OSTN: variants seen among roughly 807,000 people sequenced by gnomAD.
OSTN encodes the protein osteocrin.
OSTN carries 9 observed loss-of-function variants against 12.0 expected under a neutral mutation model. The ratio of observed to expected loss-of-function variants is 0.75; its 90% confidence interval spans 0.45 to 1.30. The LOEUF is 1.30. OSTN is among the 50% of genes most tolerant of loss of function. The pLI, the probability that OSTN is intolerant of heterozygous loss-of-function variation, is 0.00. For missense variants in OSTN, 148 were observed against 152.3 expected, an observed-to-expected ratio of 0.97 and a Z score of 0.15; for synonymous variants, 59 against 56.9, an observed-to-expected ratio of 1.04 and a Z score of -0.16.
Position 191,237,426 on chromosome 3 carries a change from G to T in OSTN, c.318-12611G>T, listed in dbSNP as rs536393082. On this transcript the variant is annotated intron_variant, in intron 3 of 4. Transcript: ENST00000682035. ...GCATAAAGCAGAAGAAGAAAGCTAGGCAAGTTTTAGAGTGGGGTGGAAGTT... is the reference window on the plus strand; with the variant it reads ...GCATAAAGCAGAAGAAGAAAGCTAGTCAAGTTTTAGAGTGGGGTGGAAGTT... Among the ~76,000 whole-genome samples the T allele has an allele frequency of 2.6e-5, 4 of 152,290 alleles. No individual in the cohort carries two copies. The South Asian group carries it at 8.3e-4, about 32-fold the overall frequency.
At chr3:191,209,497 G>T (rs192779746) in intron 1 of OSTN, among the ~76,000 whole-genome samples, 1 of 152,314 alleles carries the variant, frequency 6.6e-6, no homozygotes, top group African/African-American at 2.4e-5. Context: ...TTCTAGAAAA[G>T]AACGGAATAT....
chr3:191,247,982 C>T (rs769412765), intron 3 of OSTN, among the ~76,000 whole-genome samples: 16 of 151,946 alleles, frequency 1.1e-4, no homozygotes, highest in African/African-American at 1.5e-4. Flanking sequence ...TACAGGAACA[C>T]GCCACCATGC....
rs75330873 is a variant in OSTN, at chr3:191,239,326, A to G, written c.318-10711A>G. Among the ~76,000 whole-genome samples the G allele has an allele frequency of 0.019, 2,700 of 145,452 alleles. 182 individuals are homozygous for G. In the East Asian group the frequency reaches 0.24, roughly 13 times the overall value. ...GGTGTATGCCCTGTGAAGGGATGAA[A>G]TAAAGTTACAAAGTCACATACTGGG... On this transcript the variant is annotated intron_variant, in intron 3 of 4. Coordinates refer to ENST00000682035, the MANE Select transcript of OSTN (RefSeq NM_198184.2).
intron 4 of OSTN, among the ~76,000 whole-genome samples, chr3:191,253,446 T>G (rs904118052): frequency 6.6e-6 from 1 of 152,194 alleles, no homozygotes; most frequent in Non-Finnish European, 1.5e-5. Flanking sequence ...TCACACAAAT[T>G]TATTTAACAT....
At chr3:191,208,568 G>A (rs960516425) in intron 1 of OSTN, among the ~76,000 whole-genome samples, 7 of 152,138 alleles carry the variant, frequency 4.6e-5, no homozygotes, top group Non-Finnish European at 1.0e-4. Context: ...TTATCTGTAA[G>A]ATGATACATC....
intron 2 of OSTN, among the ~76,000 whole-genome samples, chr3:191,216,201 G>T (rs929248055): frequency 1.3e-5 from 2 of 152,154 alleles, no homozygotes; most frequent in African/African-American, 2.4e-5. Flanking sequence ...CTATCTGTAT[G>T]TTGGCCCCCT....
chr3:191,231,189 G>A (rs1174375683), intron 3 of OSTN, among the ~76,000 whole-genome samples: 1 of 151,940 alleles, frequency 6.6e-6, no homozygotes, highest in East Asian at 1.9e-4. Flanking sequence ...AACAATGAAA[G>A]ACAAATAATA....
intron 3 of OSTN, among the ~76,000 whole-genome samples, chr3:191,244,587 T>C (rs1715389762): frequency 6.8e-6 from 1 of 147,904 alleles, no homozygotes; most frequent in African/African-American, 2.4e-5. Context: ...TATATATATA[T>C]TATAAATATA....
At chr3:191,235,572 C>T (rs959175775) in intron 3 of OSTN, among the ~76,000 whole-genome samples, 5 of 152,164 alleles carry the variant, frequency 3.3e-5, no homozygotes, top group African/African-American at 4.8e-5. Context: ...GGTCACATAA[C>T]CCCCAGTGCG....
chr3:191,213,479 A>T (rs1044943547), intron 2 of OSTN: 3 of 152,114 alleles, frequency 2.0e-5, no homozygotes, highest in African/African-American at 7.2e-5. Context: ...AAAATCCATT[A>T]TTATAGCTAT....
At chr3:191,234,965 G>C (rs1223232811) in intron 3 of OSTN, among the ~76,000 whole-genome samples, 1 of 152,184 alleles carries the variant, frequency 6.6e-6, no homozygotes, top group African/African-American at 2.4e-5. Flanking sequence ...ATACATCTGA[G>C]AGCAGAGGGA....
At chr3:191,246,751 G>A (rs1715443443) in intron 3 of OSTN, among the ~76,000 whole-genome samples, 1 of 81,214 alleles carries the variant, frequency 1.2e-5, no homozygotes, top group South Asian at 5.5e-4. Context: ...AGAGGAGAAG[G>A]AGGAGAAGGA....
chr3:191,199,545 AAAAC>A (rs1714107114), intron 1 of OSTN, among the ~76,000 whole-genome samples: 2 of 151,738 alleles, frequency 1.3e-5, no homozygotes, highest in South Asian at 4.2e-4. Context: ...CTTCCATTTC[AAAAC>A]AAACAGAAAG....
intron 3 of OSTN, among the ~76,000 whole-genome samples, chr3:191,240,545 C>T (rs1392416376): frequency 6.6e-6 from 1 of 152,158 alleles, no homozygotes; most frequent in Non-Finnish European, 1.5e-5. Flanking sequence ...CTAAAATTGA[C>T]GACAATAAAC....
intron 1 of OSTN, among the ~76,000 whole-genome samples, chr3:191,211,295 C>G (rs1032832024): frequency 1.3e-5 from 2 of 152,144 alleles, no homozygotes; most frequent in Non-Finnish European, 2.9e-5. Flanking sequence ...TCCATGCATA[C>G]AGACAAACAT....
intron 3 of OSTN, among the ~76,000 whole-genome samples, chr3:191,232,331 TAA>T (rs61313474): frequency 0.011 from 736 of 67,320 alleles, 6 homozygotes; most frequent in African/African-American, 0.062. Context: ...AGACTCTGTC[TAA>T]AAAAAAAAAA....
intron 4 of OSTN, among the ~76,000 whole-genome samples, chr3:191,257,160 T>G (rs1263380152): frequency 8.4e-6 from 1 of 118,418 alleles, no homozygotes; most frequent in Non-Finnish European, 1.6e-5. Context: ...CACTCCAGCC[T>G]GGGTGACAGA....
intron 1 of OSTN, among the ~76,000 whole-genome samples, chr3:191,211,033 T>C (rs1005136314): frequency 6.6e-6 from 1 of 152,198 alleles, no homozygotes; most frequent in Non-Finnish European, 1.5e-5. Flanking sequence ...ATGTGTAAGA[T>C]TTTTACATAT....
intron 3 of OSTN, chr3:191,228,636 A>G (rs1156394141): frequency 6.6e-6 from 1 of 152,192 alleles, no homozygotes; most frequent in Non-Finnish European, 1.5e-5. Flanking sequence ...TAAATCTATG[A>G]CTGAAAAATC....
Sources: gnomAD v4.1 joint callset for allele counts (sites outside exome capture counted in the v4.1 genomes callset) on GRCh38, gnomAD v4.1.1 for gene constraint, MANE v1.5 for transcripts, NCBI Gene and HGNC (gene_info 2026-07-23, HGNC 2026-07-21) for gene names.